TTYH1: variants seen among roughly 807,000 people sequenced by gnomAD.
TTYH1 encodes protein tweety homolog 1.
TTYH1 carries 33 observed loss-of-function variants against 61.2 expected under a neutral mutation model. The observed-to-expected ratio is 0.54, with a 90% CI of 0.41 to 0.72. The LOEUF is 0.72. TTYH1 is among the 30% of genes least tolerant of loss of function. The pLI is 0.00. For missense variants in TTYH1, 538 were observed against 575.8 expected, an observed-to-expected ratio of 0.93 and a Z score of 0.67; for synonymous variants, 308 against 266.4, an observed-to-expected ratio of 1.16 and a Z score of -1.52.
chr19:54,431,015 T>G, intron 9 of TTYH1, 84 bp from the exon 10 acceptor site: 1 of 1,487,288 alleles, frequency 6.7e-7, no homozygotes, highest in Non-Finnish European at 9.2e-7. Flanking sequence ...GGGCCTTGGG[T>G]TGTGGGCGGG....
At chr19:54,427,701 G>A (rs191789626) in intron 5 of TTYH1, among the ~76,000 whole-genome samples, 9 of 152,172 alleles carry the variant, frequency 5.9e-5, no homozygotes, top group Admixed American at 5.9e-4. Flanking sequence ...CCATGAAGGA[G>A]CTACCATAAG....
chr19:54,419,993 AG>A lies in TTYH1; in HGVS notation c.305+688del, dbSNP rs1388625555. ...TGCTGGATTCAGGGGTGTCAGGCCCAGTTTCCAAAGAGGAAGGCTCAGGGAC... is the reference window on the plus strand; with the variant it reads ...TGCTGGATTCAGGGGTGTCAGGCCCATTTCCAAAGAGGAAGGCTCAGGGAC... On this transcript the variant is annotated intron_variant, in intron 2 of 13. Transcript: ENST00000376530. This position sits in a 1 kb window ranked among gnomAD's most constrained non-coding sequence, Gnocchi z 6.1. 6.6e-6 allele frequency among the ~76,000 whole-genome samples: 1 copy of A among 152,080 alleles called. No individual in the cohort carries two copies. The highest frequency in any genetic ancestry group is 1.5e-5 in the Non-Finnish European group (1 of 68,010).
Position 54,422,399 on chromosome 19 carries a change from G to A in TTYH1, c.627G>A (p.Val209=). The A allele has an allele frequency of 6.4e-7, 1 of 1,562,322 alleles. No individual in the cohort carries two copies. Among genetic ancestry groups the A allele is most frequent in the Non-Finnish European group, 8.7e-7 (1 of 1,152,744 alleles). The change falls in exon 4 of 14, where the codon GTG becomes GTA. Residue 209 remains valine, a synonymous_variant. Coordinates refer to ENST00000376530, the MANE Select transcript of TTYH1 (RefSeq NM_020659.4). ...AGGTGGCTGAAAATGTGTCCTTTGTGGAGGAGTACAGGTGAGACGCTGCTC... is the reference window on the plus strand; with the variant it reads ...AGGTGGCTGAAAATGTGTCCTTTGTAGAGGAGTACAGGTGAGACGCTGCTC... ...PLQVAENVSF[V]EEYRWLAYVL...
chr19:54,417,631 ATAT>A (rs1469641150), intron 1 of TTYH1, among the ~76,000 whole-genome samples: 1 of 151,782 alleles, frequency 6.6e-6, no homozygotes, highest in Non-Finnish European at 1.5e-5. Flanking sequence ...CTGCACTTAT[ATAT>A]ATATGCTTAC....
chr19:54,426,179 G>A (rs569126686), intron 4 of TTYH1, among the ~76,000 whole-genome samples: 100 of 152,306 alleles, frequency 6.6e-4, no homozygotes, highest in South Asian at 1.4e-3. Context: ...TTACATGTAG[G>A]GAAACTGAGG....
At position 54,419,681 on chromosome 19, in the gene TTYH1, T is replaced by G; in HGVS notation, c.305+375T>G. The G allele has an allele frequency of 2.0e-6, 1 of 489,302 alleles. No homozygotes were observed. The highest frequency in any genetic ancestry group is 1.9e-5 in the African/African-American group (1 of 52,432). The allele number at this position is 489,302 out of a possible 1,614,324, so 30.3% of individuals were successfully genotyped here. A position where few individuals can be genotyped will look rare whatever the true frequency, so the allele number is the denominator to read the frequency against. On this transcript the variant is annotated intron_variant, in intron 2 of 13. Transcript: ENST00000376530. This position sits in a 1 kb window ranked among gnomAD's most constrained non-coding sequence, Gnocchi z 6.1. ...ACTGGGCATTATCATCTCGCCCACCTCCTGCGGGGGTAAGATGGAGAGAAA... is the reference window on the plus strand; with the variant it reads ...ACTGGGCATTATCATCTCGCCCACCGCCTGCGGGGGTAAGATGGAGAGAAA...
At chr19:54,417,133 C>G (rs551420895) in intron 1 of TTYH1, among the ~76,000 whole-genome samples, 166 of 152,214 alleles carry the variant, frequency 1.1e-3, no homozygotes, top group Non-Finnish European at 2.0e-3. Context: ...CACTCACTGG[C>G]ATATGCACAG....
At position 54,416,184 on chromosome 19, in the gene TTYH1, G is replaced by A; in HGVS notation, c.126+506G>A. 1.4e-6 allele frequency: 1 copy of A among 708,262 alleles called. No individual in the cohort carries two copies. Among genetic ancestry groups the A allele is most frequent in the South Asian group, 1.5e-5 (1 of 65,668 alleles). 43.9% of individuals were successfully genotyped at this position (708,262 alleles called of 1,614,324 possible). A position where few individuals can be genotyped will look rare whatever the true frequency, so the allele number is the denominator to read the frequency against. On this transcript the variant is annotated intron_variant, in intron 1 of 13. Transcript: ENST00000376530. The surrounding 1 kb of genome is among the most constrained non-coding windows in gnomAD (Gnocchi z 7.0). ...ATTGAGAGTCTGAAATGGGGAAGGG[G>A]GCTTCAGGGGCTGAGGACCAGGGCT...
intron 4 of TTYH1, among the ~76,000 whole-genome samples, chr19:54,424,086 A>G (rs7507320): frequency 0.8 from 121,946 of 151,756 alleles, 49,075 homozygotes; most frequent in South Asian, 0.85. Flanking sequence ...GCTTGAACCC[A>G]GGAAGTGGAG....
intron 8 of TTYH1, 82 bp downstream of exon 8, chr19:54,430,687 G>C: frequency 6.4e-7 from 1 of 1,568,430 alleles, no homozygotes. Flanking sequence ...GCTGGGGCTG[G>C]GGCCTGGACT....
intron 7 of TTYH1, 76 bp downstream of exon 7, chr19:54,430,033 C>T (rs1296033717): frequency 3.0e-5 from 40 of 1,335,164 alleles, no homozygotes; most frequent in Non-Finnish European, 4.0e-5. Flanking sequence ...CCTCTGTGCC[C>T]GGTCCTGCCC....
Position 54,420,479 on chromosome 19 carries a change from G to T in TTYH1, c.306-798G>T, listed in dbSNP as rs1009218211. 1.6e-4 allele frequency among the ~76,000 whole-genome samples: 25 copies of T among 152,136 alleles called. No homozygotes were observed. The highest frequency in any genetic ancestry group is 6.0e-4 in the African/African-American group (25 of 41,512). On this transcript the variant is annotated intron_variant, in intron 2 of 13. Transcript: ENST00000376530. The surrounding 1 kb of genome is among the most constrained non-coding windows in gnomAD (Gnocchi z 4.8). The stretch of plus-strand genomic sequence containing the variant: ...TGGGCGTCCGACCCGAGGGATGGGG[G>T]TGGAGGCCCAGCCGGGGCTGGGAAC...
chr19:54,433,225 CCT>C (rs1050135683), intron 10 of TTYH1: 2 of 152,360 alleles, frequency 1.3e-5, no homozygotes, highest in Non-Finnish European at 1.5e-5. Context: ...CTCCATCTCC[CCT>C]GTCAGTGTGC....
chr19:54,427,667 C>T (rs1175717483), intron 5 of TTYH1, among the ~76,000 whole-genome samples: 1 of 151,888 alleles, frequency 6.6e-6, no homozygotes, highest in Non-Finnish European at 1.5e-5. Context: ...GTCATGCACG[C>T]TGAGTCCTTC....
Position 54,416,936 on chromosome 19 carries a change from G to A in TTYH1, c.126+1258G>A. 7.9e-7 allele frequency: 1 copy of A among 1,268,738 alleles called. No individual in the cohort carries two copies. The highest frequency in any genetic ancestry group is 1.0e-6 in the Non-Finnish European group (1 of 977,852). The allele number at this position is 1,268,738 out of a possible 1,614,324, so 78.6% of individuals were successfully genotyped here. On this transcript the variant is annotated intron_variant, in intron 1 of 13. Transcript: ENST00000376530. The surrounding 1 kb of genome is among the most constrained non-coding windows in gnomAD (Gnocchi z 7.0). ...AGTCACCGCCAGAGGCACGGGTTTG[G>A]GGGAGCCTCACTCCGCCCCCACGGT... is the stretch of plus-strand genomic sequence containing the variant.
chr19:54,425,052 G>A (rs2083295424), intron 4 of TTYH1, among the ~76,000 whole-genome samples: 1 of 152,194 alleles, frequency 6.6e-6, no homozygotes, highest in Admixed American at 6.5e-5. Context: ...AGAAGCCGTG[G>A]GTCACGGAAG....
chr19:54,417,931 C>T (rs1166219910), intron 1 of TTYH1, among the ~76,000 whole-genome samples: 1 of 151,990 alleles, frequency 6.6e-6, no homozygotes, highest in Admixed American at 6.6e-5. Flanking sequence ...CTCAGGTGCC[C>T]CCTCATCTCA....
rs1165659597 is a variant in TTYH1, at chr19:54,435,699, A to T, written c.1268+15A>T. Reference sequence around the variant, plus strand: ...TTCCCACCCAGGTCAGGAGCGGGGGAGGGTAGGGTCCTGGGGAGGGAAGAG... The same window carrying T: ...TTCCCACCCAGGTCAGGAGCGGGGGTGGGTAGGGTCCTGGGGAGGGAAGAG... On this transcript the variant is annotated intron_variant, in intron 11 of 13. Transcript: ENST00000376530. 2 of 1,607,356 alleles carry T rather than the reference A, an allele frequency of 1.2e-6. No individual in the cohort carries two copies. Among genetic ancestry groups the T allele is most frequent in the Admixed American group, 1.7e-5 (1 of 59,768 alleles).
At chr19:54,427,461 G>A (rs1254348553) in intron 5 of TTYH1, among the ~76,000 whole-genome samples, 3 of 151,300 alleles carry the variant, frequency 2.0e-5, no homozygotes, top group South Asian at 4.2e-4. Flanking sequence ...AAAATTAGCC[G>A]GGCGTGGTGG....
Sources: allele counts gnomAD v4.1 joint callset (sites outside exome capture counted in the v4.1 genomes callset), GRCh38; gene constraint gnomAD v4.1.1; non-coding constraint Gnocchi (gnomAD v3.1); transcripts MANE v1.5; gene names NCBI Gene and HGNC (gene_info 2026-07-23, HGNC 2026-07-21).